The following SMAD2 variants were observed in gnomAD, a reference collection of about 807,000 sequenced individuals.
The protein encoded by SMAD2 is SMAD family member 2.
In SMAD2, 8 loss-of-function variants were observed where a neutral mutation model predicts 64.4. The ratio of observed to expected loss-of-function variants is 0.12; its 90% CI spans 0.07 to 0.22. The LOEUF is 0.22. Among genes scored for constraint, SMAD2 ranks in the 10% least tolerant of loss-of-function variants. The pLI, the probability that SMAD2 is intolerant of heterozygous loss-of-function variation, is 1.00. For missense variants in SMAD2, 289 were observed against 561.2 expected, an observed-to-expected ratio of 0.51 and a Z score of 4.90; for synonymous variants, 203 against 195.8, an observed-to-expected ratio of 1.04 and a Z score of -0.31.
intron 10 of SMAD2, 110 bp from the exon 11 acceptor site, chr18:47,842,060 GTA>G (rs1914003207): frequency 7.9e-7 from 1 of 1,264,002 alleles, no homozygotes; most frequent in Admixed American, 1.8e-5. Context: ...AAAAGGTTGT[GTA>G]TATAATTTTG....
At chr18:47,856,672 G>A (rs1490126941) in intron 6 of SMAD2, among the ~76,000 whole-genome samples, 2 of 151,998 alleles carry the variant, frequency 1.3e-5, no homozygotes, top group East Asian at 3.9e-4. Flanking sequence ...AACAAGAACA[G>A]GAACTCTAGA....
chr18:47,830,622 T>G lies in SMAD2; in HGVS notation c.*11205A>C, dbSNP rs1242811379. On this transcript the variant is annotated 3_prime_UTR_variant, in exon 11 of 11. Coordinates refer to ENST00000262160, the MANE Select transcript of SMAD2 (RefSeq NM_005901.6). ...CGTTTTTCTCACAGCAGCACATTTC[T>G]AAATGGCAAACCATTTAGAAGTGAG... is the stretch of plus-strand genomic sequence containing the variant. The G allele has an allele frequency of 6.6e-6, 1 of 151,768 alleles. No individual in the cohort carries two copies. The highest frequency in any genetic ancestry group is 2.4e-5 in the African/African-American group (1 of 41,218). 9.4% of individuals were successfully genotyped at this position (151,768 alleles called of 1,614,324 possible). A position where few individuals can be genotyped will look rare whatever the true frequency, so the allele number is the denominator to read the frequency against.
intron 1 of SMAD2, chr18:47,923,663 A>C (rs1032083043): frequency 6.6e-6 from 1 of 152,204 alleles, no homozygotes; most frequent in African/African-American, 2.4e-5. Context: ...ATGAGAGGAA[A>C]ACTGATCAGG....
chr18:47,817,756 T>G lies in SMAD2; in HGVS notation c.*24071A>C, dbSNP rs942002546. 6.6e-6 allele frequency: 1 copy of G among 152,234 alleles called. No individual in the cohort carries two copies. Among genetic ancestry groups the G allele is most frequent in the Non-Finnish European group, 1.5e-5 (1 of 68,044 alleles). 9.4% of individuals were successfully genotyped at this position (152,234 alleles called of 1,614,324 possible). On this transcript the variant is annotated 3_prime_UTR_variant, in exon 11 of 11. Transcript: ENST00000262160. Reference sequence around the variant, plus strand: ...ATGGTTACATGCATCTGTAAATGATTTGGCTCTTTTCCCCTGTTTCTGAAC... The same window carrying G: ...ATGGTTACATGCATCTGTAAATGATGTGGCTCTTTTCCCCTGTTTCTGAAC...
intron 2 of SMAD2, 41 bp downstream of exon 2, chr18:47,896,480 T>C (rs770452900): frequency 2.5e-6 from 4 of 1,602,238 alleles, no homozygotes; most frequent in Non-Finnish European, 3.4e-6. Context: ...TTCAGATTCC[T>C]TGACATAATT....
rs943590102 is a variant in SMAD2, at chr18:47,816,829, C to A, written c.*24998G>T. The A allele has an allele frequency of 6.9e-6, 1 of 144,660 alleles. No homozygotes were observed. The highest frequency in any genetic ancestry group is 2.6e-5 in the African/African-American group (1 of 39,152). The allele number at this position is 144,660 out of a possible 1,614,324, so 9.0% of individuals were successfully genotyped here. On this transcript the variant is annotated 3_prime_UTR_variant, in exon 11 of 11. Transcript: ENST00000262160. ...CCCAGGCTGGAGTGCAGTGGCACAT[C>A]TAGGCTCACTGCAACCTCCACTTCT...
chr18:47,872,588 C>G (rs2032003648), intron 2 of SMAD2, among the ~76,000 whole-genome samples: 1 of 152,126 alleles, frequency 6.6e-6, no homozygotes, highest in Non-Finnish European at 1.5e-5. Flanking sequence ...CCAGGACACA[C>G]AGCAGAAGGT....
chr18:47,853,735 A>G (rs1192610278), intron 6 of SMAD2, among the ~76,000 whole-genome samples: 1 of 151,730 alleles, frequency 6.6e-6, no homozygotes, highest in Non-Finnish European at 1.5e-5. Flanking sequence ...CTTTTTTCTC[A>G]GTTTGAAAAA....
rs922992792 is a variant in SMAD2, at chr18:47,836,512, A to G, written c.*5315T>C. The stretch of plus-strand genomic sequence containing the variant: ...CCATGAAAGGAAAATGTACACAGAC[A>G]AATTAAGAACATTTTACCAGGATCT... On this transcript the variant is annotated 3_prime_UTR_variant, in exon 11 of 11. Coordinates refer to ENST00000262160, the MANE Select transcript of SMAD2 (RefSeq NM_005901.6). 1.8e-5 allele frequency: 4 copies of G among 218,836 alleles called. No homozygotes were observed. Among genetic ancestry groups the G allele is most frequent in the African/African-American group, 9.0e-5 (4 of 44,550 alleles). 13.6% of individuals were successfully genotyped at this position (218,836 alleles called of 1,614,324 possible).
At chr18:47,850,572 TTATATATTATA>T (rs1323523307) in intron 7 of SMAD2, among the ~76,000 whole-genome samples, 2 of 39,926 alleles carry the variant, frequency 5.0e-5, no homozygotes, top group African/African-American at 2.8e-4. Context: ...ATAATATATA[TTATATATTATA>T]TATATATTAT....
Position 47,930,648 on chromosome 18 carries a change from G to A in SMAD2, c.-341C>T, listed in dbSNP as rs923540623. On this transcript the variant is annotated 5_prime_UTR_variant, in exon 1 of 11. Coordinates refer to ENST00000262160, the MANE Select transcript of SMAD2 (RefSeq NM_005901.6). ...CGCCGCCCGCGGGGAAGGAGGGGGTGAGGACGCGCGCGCCCGCGCTGCCCC... is the reference window on the plus strand; with the variant it reads ...CGCCGCCCGCGGGGAAGGAGGGGGTAAGGACGCGCGCGCCCGCGCTGCCCC... 1 of 149,826 alleles carries A rather than the reference G, an allele frequency of 6.7e-6. No individual in the cohort carries two copies. The highest frequency in any genetic ancestry group is 2.1e-4 in the South Asian group (1 of 4,822). The allele number at this position is 149,826 out of a possible 1,614,324, so 9.3% of individuals were successfully genotyped here.
intron 2 of SMAD2, chr18:47,886,750 C>T (rs1417171430): frequency 1.3e-5 from 2 of 155,918 alleles, no homozygotes; most frequent in Non-Finnish European, 2.8e-5. Flanking sequence ...AAGACCATTT[C>T]ATAGCGCTTC....
chr18:47,877,018 C>A (rs1405759322), intron 2 of SMAD2, among the ~76,000 whole-genome samples: 1 of 152,080 alleles, frequency 6.6e-6, no homozygotes, highest in Non-Finnish European at 1.5e-5. Flanking sequence ...ATCACAGAAT[C>A]TGGTAACCCT....
At chr18:47,925,196 G>A (rs2034716172) in intron 1 of SMAD2, among the ~76,000 whole-genome samples, 2 of 152,194 alleles carry the variant, frequency 1.3e-5, no homozygotes, top group African/African-American at 2.4e-5. Context: ...CAGCCTTGAG[G>A]CCAATGTAAA....
chr18:47,878,781 T>C (rs2032414080), intron 2 of SMAD2, among the ~76,000 whole-genome samples: 1 of 152,172 alleles, frequency 6.6e-6, no homozygotes, highest in Non-Finnish European at 1.5e-5. Context: ...TGATAAAAAA[T>C]TTCAAACATC....
chr18:47,824,308 C>G lies in SMAD2; in HGVS notation c.*17519G>C, dbSNP rs976007729. The stretch of plus-strand genomic sequence containing the variant: ...TACCTCAAAGACCCAGAAGAAACCA[C>G]GCCAGCTTGCACAAACACTATTCGC... On this transcript the variant is annotated 3_prime_UTR_variant, in exon 11 of 11. Transcript: ENST00000262160. 1 of 152,198 alleles carries G rather than the reference C, an allele frequency of 6.6e-6. No individual in the cohort carries two copies. The highest frequency in any genetic ancestry group is 6.5e-5 in the Admixed American group (1 of 15,272). 9.4% of individuals were successfully genotyped at this position (152,198 alleles called of 1,614,324 possible).
rs181495970 is a variant in SMAD2, at chr18:47,836,195, T to C, written c.*5632A>G. ...ATCAGGCTGTAAGATACTAGAAAATTTGACCTTGTAGTAGTATTTCCCAGG... is the reference window on the plus strand; with the variant it reads ...ATCAGGCTGTAAGATACTAGAAAATCTGACCTTGTAGTAGTATTTCCCAGG... On this transcript the variant is annotated 3_prime_UTR_variant, in exon 11 of 11. Coordinates refer to ENST00000262160, the MANE Select transcript of SMAD2 (RefSeq NM_005901.6). 5 of 222,638 alleles carry C rather than the reference T, an allele frequency of 2.2e-5. No homozygotes were observed. Among genetic ancestry groups the C allele is most frequent in the Non-Finnish European group, 4.5e-5 (5 of 111,408 alleles). The allele number at this position is 222,638 out of a possible 1,614,324, so 13.8% of individuals were successfully genotyped here.
At position 47,837,351 on chromosome 18, in the gene SMAD2, A is replaced by T. The variant is rs950996596; in HGVS notation, c.*4476T>A. On this transcript the variant is annotated 3_prime_UTR_variant, in exon 11 of 11. Transcript: ENST00000262160. The stretch of plus-strand genomic sequence containing the variant: ...GCCGAGGTGGACAGATCACGAGGTC[A>T]GGAGATCGAGACCATCCTGGCCAAC... The T allele has an allele frequency of 3.2e-5, 6 of 190,050 alleles. No homozygotes were observed. The highest frequency in any genetic ancestry group is 1.4e-4 in the African/African-American group (6 of 42,920). The allele number at this position is 190,050 out of a possible 1,614,324, so 11.8% of individuals were successfully genotyped here.
At chr18:47,913,384 T>C (rs532201436) in intron 1 of SMAD2, among the ~76,000 whole-genome samples, 5 of 152,364 alleles carry the variant, frequency 3.3e-5, no homozygotes, top group East Asian at 1.9e-4. Context: ...TGACCTGGTA[T>C]TGCCACATGA....
Sources: allele counts gnomAD v4.1 joint callset (sites outside exome capture counted in the v4.1 genomes callset), GRCh38; gene constraint gnomAD v4.1.1; transcripts MANE v1.5; gene names NCBI Gene and HGNC (gene_info 2026-07-23, HGNC 2026-07-21).